MGAT4B: variants seen among roughly 807,000 people sequenced by gnomAD.
The protein encoded by MGAT4B is alpha-1,3-mannosyl-glycoprotein 4-beta-N-acetylglucosaminyltransferase B.
MGAT4B carries 38 observed loss-of-function variants against 73.9 expected under a neutral mutation model. That is an observed-to-expected ratio of 0.51 (90% CI 0.40 to 0.67). The LOEUF is 0.67. Among genes scored for constraint, MGAT4B ranks in the 30% least tolerant of loss-of-function variants. MGAT4B has a pLI of 0.00. For synonymous variants in MGAT4B, 373 were observed against 313.5 expected, an observed-to-expected ratio of 1.19 and a Z score of -2.01; for missense variants, 686 against 735.2, an observed-to-expected ratio of 0.93 and a Z score of 0.77.
Position 179,801,286 on chromosome 5 carries a change from C to T in MGAT4B, c.558+48G>A, listed in dbSNP as rs755270688. ...GGTTCCTGCTGTCAGTTCTGCACCGCGGGGGCTCCTCTGAATGTCCCCCAA... is the reference window on the plus strand; with the variant it reads ...GGTTCCTGCTGTCAGTTCTGCACCGTGGGGGCTCCTCTGAATGTCCCCCAA... On this transcript the variant is annotated intron_variant, in intron 4 of 14. Coordinates refer to ENST00000292591, the MANE Select transcript of MGAT4B (RefSeq NM_014275.5). This position sits in a 1 kb window ranked among gnomAD's most constrained non-coding sequence, Gnocchi z 4.8. 4.5e-6 allele frequency: 7 copies of T among 1,572,886 alleles called. No homozygotes were observed. Among genetic ancestry groups the T allele is most frequent in the Admixed American group, 3.5e-5 (2 of 57,388 alleles).
Position 179,801,031 on chromosome 5 carries a change from G to T in MGAT4B, c.559-78C>A. 6.6e-7 allele frequency: 1 copy of T among 1,524,674 alleles called. No homozygotes were observed. The highest frequency in any genetic ancestry group is 9.1e-7 in the Non-Finnish European group (1 of 1,102,452). 94.4% of individuals were successfully genotyped at this position (1,524,674 alleles called of 1,614,324 possible). ...TGGAAGGGCTTGGAGAAGGGGCACA[G>T]GCTTCAGATGCCCCCCACGTGGAGG... On this transcript the variant is annotated intron_variant, in intron 4 of 14. Transcript: ENST00000292591. This position sits in a 1 kb window ranked among gnomAD's most constrained non-coding sequence, Gnocchi z 4.8.
chr5:179,798,492 C>T (rs1213468590), intron 12 of MGAT4B, 21 bp downstream of exon 12: 2 of 1,613,408 alleles, frequency 1.2e-6, no homozygotes, highest in South Asian at 1.1e-5. Flanking sequence ...CTTCAGTGCA[C>T]ACCACACCCA....
In MGAT4B at chr5:179,801,333, C is replaced by A; in HGVS notation, c.558+1G>T. Reference sequence around the variant, plus strand: ...CCAACCCCGCGTCCCGGCTCACTCGCCTCGGCGATCAGCACCACGATGACC... The same window carrying A: ...CCAACCCCGCGTCCCGGCTCACTCGACTCGGCGATCAGCACCACGATGACC... On this transcript the variant is annotated splice_donor_variant, in intron 4 of 14. Coordinates refer to ENST00000292591, the MANE Select transcript of MGAT4B (RefSeq NM_014275.5). LOFTEE classifies it high-confidence loss of function. This position sits in a 1 kb window ranked among gnomAD's most constrained non-coding sequence, Gnocchi z 4.8. 6.2e-7 allele frequency: 1 copy of A among 1,608,194 alleles called. No homozygotes were observed.
Position 179,800,546 on chromosome 5 carries a change from G to C in MGAT4B, c.657C>G (p.Pro219=). 1 of 1,612,362 alleles carries C rather than the reference G, an allele frequency of 6.2e-7. No individual in the cohort carries two copies. The change falls in exon 6 of 15, where the codon CCC becomes CCG. Residue 219 remains proline, a synonymous_variant. Coordinates refer to ENST00000292591, the MANE Select transcript of MGAT4B (RefSeq NM_014275.5). ...SGLLEVISPS[P]HFYPDFSRLR... is the part of the protein sequence containing the mutation. ...GGCGGGAGAAGTCAGGGTAGAAGTG[G>C]GGGGAGGGTGAGATGACCTCCAGGA...
chr5:179,800,326 C>T (rs1562611884), intron 6 of MGAT4B, 67 bp from the exon 7 acceptor site: 7 of 1,580,474 alleles, frequency 4.4e-6, no homozygotes, highest in Non-Finnish European at 4.3e-6. Flanking sequence ...CGCAGAGAAG[C>T]CGCTGGGTGG....
At chr5:179,803,076 G>T in intron 1 of MGAT4B, 1 of 985,536 alleles carries the variant, frequency 1.0e-6, no homozygotes, top group Non-Finnish European at 1.2e-6. Flanking sequence ...AGTCACCTCA[G>T]GGCACACCCC....
In MGAT4B at chr5:179,800,020, T is replaced by C; in HGVS notation, c.844A>G (p.Asn282Asp). ...TCTGAAGGCTGCTGCAGTGCAAAGTTCTTCATGGTGCTCAGGTAGTTGGGC... is the reference window on the plus strand; with the variant it reads ...TCTGAAGGCTGCTGCAGTGCAAAGTCCTTCATGGTGCTCAGGTAGTTGGGC... ...AKPNYLSTMKNFALQQPSEDW... is the reference protein window; with the variant it reads ...AKPNYLSTMKDFALQQPSEDW... The change falls in exon 8 of 15, where the codon AAC becomes GAC. Residue 282 changes from asparagine (N) to aspartate (D), a missense_variant. This residue lies in a region of MGAT4B where 449 missense variants were observed against 536.8 expected (regional missense o/e 0.84). Coordinates refer to ENST00000292591, the MANE Select transcript of MGAT4B (RefSeq NM_014275.5). 3.1e-6 allele frequency: 5 copies of C among 1,614,018 alleles called. No individual in the cohort carries two copies. Among genetic ancestry groups the C allele is most frequent in the Non-Finnish European group, 3.4e-6 (4 of 1,180,020 alleles).
intron 1 of MGAT4B, chr5:179,802,712 G>A: frequency 1.0e-6 from 1 of 986,312 alleles, no homozygotes; most frequent in Non-Finnish European, 1.2e-6. Context: ...AGGGCTGTAG[G>A]TGGATGGGGC....
rs769531455 is a variant in MGAT4B, at chr5:179,801,503, CG to C, written c.425-37del. 6.9e-6 allele frequency: 11 copies of C among 1,602,430 alleles called. No individual in the cohort carries two copies. The African/African-American group carries it at 8.0e-5, about 12-fold the overall frequency. On this transcript the variant is annotated intron_variant, in intron 3 of 14. Coordinates refer to ENST00000292591, the MANE Select transcript of MGAT4B (RefSeq NM_014275.5). The surrounding 1 kb of genome is among the most constrained non-coding windows in gnomAD (Gnocchi z 4.8). ...CGGAGGCCCGACGCTGGAAAGGGTG[CG>C]GGGGCCACCCGTCCCCCCACCCCGT...
At chr5:179,798,726 C>T (rs959066292) in intron 11 of MGAT4B, 135 bp from the exon 12 acceptor site, 23 of 1,148,728 alleles carry the variant, frequency 2.0e-5, no homozygotes, top group Admixed American at 1.7e-4. Flanking sequence ...GAGACCAGGG[C>T]CTTCCTCTGG....
intron 1 of MGAT4B, chr5:179,805,109 G>GGA (rs1757088104): frequency 6.6e-6 from 1 of 152,256 alleles, no homozygotes; most frequent in Non-Finnish European, 1.5e-5. Flanking sequence ...CTGCTGTCCT[G>GGA]GAGCCTGGCT....
intron 7 of MGAT4B, 39 bp downstream of exon 7, chr5:179,800,145 C>CGCAGG (rs754248357): frequency 1.4e-5 from 23 of 1,611,304 alleles, no homozygotes; most frequent in South Asian, 7.7e-5. Flanking sequence ...GGCAGGGCGG[C>CGCAGG]GCAGGGCAGG....
At chr5:179,800,728 G>C in intron 5 of MGAT4B, 131 bp from the exon 6 acceptor site, 1 of 967,872 alleles carries the variant, frequency 1.0e-6, no homozygotes, top group South Asian at 1.4e-5. Context: ...CCAGCCAACT[G>C]AGGTAGCAGA....
intron 11 of MGAT4B, 69 bp downstream of exon 11, chr5:179,798,859 C>T (rs950488950): frequency 5.0e-5 from 77 of 1,547,686 alleles, no homozygotes; most frequent in East Asian, 2.3e-4. Flanking sequence ...GATAACTTGC[C>T]GGTGAAGCCT....
rs761141516 is a variant in MGAT4B at position 179,801,769 on chromosome 5, C to CG, written c.283+14dup. On this transcript the variant is annotated intron_variant, in intron 2 of 14. Transcript: ENST00000292591. The surrounding 1 kb of genome is among the most constrained non-coding windows in gnomAD (Gnocchi z 4.8). ...GCCCGCCCCCGCCTTTTCCCCCTCC[C>CG]GCCCCAGACCTCACCTGTTAGGCGG... is the stretch of plus-strand genomic sequence containing the variant. 6.4e-7 allele frequency: 1 copy of CG among 1,565,098 alleles called. No homozygotes were observed. The highest frequency in any genetic ancestry group is 2.3e-5 in the East Asian group (1 of 43,280).
In MGAT4B at chr5:179,803,448, G is replaced by A. The variant is rs556623815; in HGVS notation, c.98-1479C>T. On this transcript the variant is annotated intron_variant, in intron 1 of 14. Coordinates refer to ENST00000292591, the MANE Select transcript of MGAT4B (RefSeq NM_014275.5). ...GTGACACCAGGTGTAGGCAGCACTC[G>A]CCCACAGGGATGGGACTGGAGGTGC... The A allele has an allele frequency of 6.9e-5, 13 of 189,282 alleles. No individual in the cohort carries two copies. The South Asian group carries it at 7.2e-4, about 11-fold the overall frequency. 11.7% of individuals were successfully genotyped at this position (189,282 alleles called of 1,614,324 possible).
rs748051364 is a variant in MGAT4B at position 179,798,224 on chromosome 5, G to A, written c.1564C>T (p.Leu522=). The part of the protein sequence containing the change: ...EGEVDPAFGP[L]EALRLSIQTD... ...TGGATCGAGAGGCGCAGTGCTTCCA[G>A]AGGGCCGAAGGCTGGGTCCACCTCT... The change falls in exon 14 of 15, where the codon CTG becomes TTG. Residue 522 remains leucine, a synonymous_variant. Transcript: ENST00000292591. 1 of 1,605,728 alleles carries A rather than the reference G, an allele frequency of 6.2e-7. No individual in the cohort carries two copies. Among genetic ancestry groups the A allele is most frequent in the East Asian group, 2.2e-5 (1 of 44,628 alleles).
In MGAT4B at chr5:179,797,932, A is replaced by G; in HGVS notation, c.*113T>C. On this transcript the variant is annotated 3_prime_UTR_variant, in exon 15 of 15. Transcript: ENST00000292591. ...CCCAGGCCGGCCCAAGCCCGACGCCAGGCAGAACCCTTTGGGCGGGGCCGT... is the reference window on the plus strand; with the variant it reads ...CCCAGGCCGGCCCAAGCCCGACGCCGGGCAGAACCCTTTGGGCGGGGCCGT... The G allele has an allele frequency of 1.4e-6, 2 of 1,446,174 alleles. No individual in the cohort carries two copies. The highest frequency in any genetic ancestry group is 1.9e-6 in the Non-Finnish European group (2 of 1,056,594). The allele number at this position is 1,446,174 out of a possible 1,614,324, so 89.6% of individuals were successfully genotyped here.
rs868327198 is a variant in MGAT4B, at chr5:179,806,567, C to T, written c.17G>A (p.Gly6Asp). Residue 6 changes from glycine (G) to aspartate (D), a missense_variant, in exon 1 of 15, where the codon GGC becomes GAC. This residue lies in a region of MGAT4B where 237 missense variants were observed against 198.5 expected (regional missense o/e 1.19). Coordinates refer to ENST00000292591, the MANE Select transcript of MGAT4B (RefSeq NM_014275.5). The surrounding 1 kb of genome is among the most constrained non-coding windows in gnomAD (Gnocchi z 4.6). ...GAAGAGCAGCAGCGTCAGGAAGGTG[C>T]CATTGCGGAGCCTCATCTCCTCGGG... MRLRN[G>D]TFLTLLLFCL... The T allele has an allele frequency of 2.3e-6, 3 of 1,298,502 alleles. No individual in the cohort carries two copies. Among genetic ancestry groups the T allele is most frequent in the South Asian group, 1.5e-5 (1 of 66,132 alleles). 80.4% of individuals were successfully genotyped at this position (1,298,502 alleles called of 1,614,324 possible).
Sources: allele counts gnomAD v4.1 joint callset, GRCh38; gene constraint gnomAD v4.1.1; regional missense constraint gnomAD v4.1.1; non-coding constraint Gnocchi (gnomAD v3.1); transcripts MANE v1.5; gene names NCBI Gene and HGNC (gene_info 2026-07-23, HGNC 2026-07-21).